The following MAPKAP1 variants were observed in gnomAD, a reference collection of about 807,000 sequenced individuals.
MAPKAP1 encodes the protein target of rapamycin complex 2 subunit MAPKAP1.
In MAPKAP1, 20 loss-of-function variants were observed where a neutral mutation model predicts 65.7. That is an observed-to-expected ratio of 0.30 (90% confidence interval 0.21 to 0.44). MAPKAP1 has a LOEUF of 0.44. Ranked by LOEUF, MAPKAP1 falls within the 20% of genes least tolerant of loss-of-function variation. The pLI is 1.00. For missense variants in MAPKAP1, 423 were observed against 648.0 expected, an observed-to-expected ratio of 0.65 and a Z score of 3.77; for synonymous variants, 222 against 244.3, an observed-to-expected ratio of 0.91 and a Z score of 0.85.
At chr9:125,515,463 T>G (rs10986783) in intron 7 of MAPKAP1, among the ~76,000 whole-genome samples, 1 of 152,154 alleles carries the variant, frequency 6.6e-6, no homozygotes, top group Non-Finnish European at 1.5e-5. Flanking sequence ...AAAGATAAGA[T>G]TGGAAACGAA....
At chr9:125,698,285 ATAAATATATAT>A (rs1393555818) in intron 1 of MAPKAP1, among the ~76,000 whole-genome samples, 1 of 25,808 alleles carries the variant, frequency 3.9e-5, no homozygotes, top group Non-Finnish European at 5.8e-5. Context: ...CATAATATAT[ATAAATATATAT>A]ATATATATAT....
intron 1 of MAPKAP1, among the ~76,000 whole-genome samples, chr9:125,699,669 G>A (rs1452630633): frequency 6.9e-6 from 1 of 145,444 alleles, no homozygotes; most frequent in Non-Finnish European, 1.5e-5. Context: ...GTCTTGCTCT[G>A]TTGCCCAGGC....
At chr9:125,697,169 T>TGTCAGGACATATGAAA (rs1815199555) in intron 1 of MAPKAP1, among the ~76,000 whole-genome samples, 1 of 152,222 alleles carries the variant, frequency 6.6e-6, no homozygotes, top group Admixed American at 6.5e-5. Context: ...ACATCATTTA[T>TGTCAGGACATATGAAA]GTCAGGACAT....
At chr9:125,513,680 T>C (rs937568501) in intron 7 of MAPKAP1, among the ~76,000 whole-genome samples, 1 of 152,200 alleles carries the variant, frequency 6.6e-6, no homozygotes, top group Non-Finnish European at 1.5e-5. Context: ...GCTGCTATTA[T>C]TGCAAATACA....
intron 1 of MAPKAP1, among the ~76,000 whole-genome samples, chr9:125,686,667 C>T (rs1031487385): frequency 6.6e-6 from 1 of 152,176 alleles, no homozygotes; most frequent in Non-Finnish European, 1.5e-5. Context: ...CATGTTTGAC[C>T]TCTACCACAC....
intron 1 of MAPKAP1, among the ~76,000 whole-genome samples, chr9:125,679,310 C>G (rs1235644101): frequency 4.6e-5 from 7 of 152,084 alleles, no homozygotes; most frequent in Non-Finnish European, 7.4e-5. Flanking sequence ...CTGAACACGA[C>G]TTTTTAAAAG....
chr9:125,693,836 T>TACACAC (rs375290028), intron 1 of MAPKAP1, among the ~76,000 whole-genome samples: 4,956 of 119,424 alleles, frequency 0.041, 214 homozygotes, highest in East Asian at 0.053. Flanking sequence ...CACACATATA[T>TACACAC]ATACACACAT....
intron 1 of MAPKAP1, among the ~76,000 whole-genome samples, chr9:125,702,355 A>G (rs1835626534): frequency 6.6e-6 from 1 of 151,740 alleles, no homozygotes; most frequent in Non-Finnish European, 1.5e-5. Flanking sequence ...ACCAACATGC[A>G]GAAACCCCGC....
chr9:125,462,692 A>C (rs1201725772), intron 10 of MAPKAP1, among the ~76,000 whole-genome samples: 1 of 152,222 alleles, frequency 6.6e-6, no homozygotes, highest in East Asian at 1.9e-4. Flanking sequence ...AACATTCTTA[A>C]TACTGGTCTT....
intron 4 of MAPKAP1, among the ~76,000 whole-genome samples, chr9:125,636,424 G>C (rs543253750): frequency 1.3e-5 from 2 of 152,216 alleles, no homozygotes; most frequent in Non-Finnish European, 2.9e-5. Flanking sequence ...AGATACAATA[G>C]AGACAAATTA....
chr9:125,469,417 C>G (rs1400839702), intron 9 of MAPKAP1, among the ~76,000 whole-genome samples: 1 of 152,068 alleles, frequency 6.6e-6, no homozygotes. Context: ...ATTAAAAAAA[C>G]AAATACAAAC....
intron 1 of MAPKAP1, among the ~76,000 whole-genome samples, chr9:125,704,341 A>C (rs1413083268): frequency 6.6e-6 from 1 of 152,208 alleles, no homozygotes; most frequent in East Asian, 1.9e-4. Flanking sequence ...AATGAGATAA[A>C]GCATTTAACA....
At position 125,447,215 on chromosome 9, in the gene MAPKAP1, G is replaced by A; in HGVS notation, c.1346-2617C>T. 1 of 357,234 alleles carries A rather than the reference G, an allele frequency of 2.8e-6. No homozygotes were observed. The allele number at this position is 357,234 out of a possible 1,614,324, so 22.1% of individuals were successfully genotyped here. On this transcript the variant is annotated intron_variant, in intron 10 of 11. Transcript: ENST00000265960. This position sits in a 1 kb window ranked among gnomAD's most constrained non-coding sequence, Gnocchi z 4.5. ...CTGCCTATCCCCAGGGCTCATTCCA[G>A]CACCCATCTGAGGAAGAGTGAAGCA...
At chr9:125,662,896 T>C (rs746305234) in intron 3 of MAPKAP1, among the ~76,000 whole-genome samples, 44 of 152,124 alleles carry the variant, frequency 2.9e-4, no homozygotes, top group African/African-American at 4.3e-4. Context: ...TGAAATCATA[T>C]AGTAGCTGGG....
chr9:125,494,577 G>GA (rs553405051), intron 8 of MAPKAP1, among the ~76,000 whole-genome samples: 258 of 152,304 alleles, frequency 1.7e-3, no homozygotes, highest in African/African-American at 6.0e-3. Context: ...TTTCGAAAAA[G>GA]AGCAGATCAT....
At chr9:125,537,509 T>C (rs1830107655) in intron 7 of MAPKAP1, among the ~76,000 whole-genome samples, 3 of 152,022 alleles carry the variant, frequency 2.0e-5, no homozygotes, top group Admixed American at 1.3e-4. Context: ...CAATACAGAG[T>C]CTTGCTCTGT....
intron 9 of MAPKAP1, among the ~76,000 whole-genome samples, chr9:125,475,157 G>T (rs993672002): frequency 6.6e-6 from 1 of 152,150 alleles, no homozygotes; most frequent in African/African-American, 2.4e-5. Context: ...GACATGACTT[G>T]TCTGATGTCA....
rs557918059 is a variant in MAPKAP1 at position 125,611,086 on chromosome 9, T to C, written c.499-25359A>G. ...TTGAGTAGGAGAATGTCGCTAGGAGTGAATGTCAACTTTTAAAGATTAAAT... is the reference window on the plus strand; with the variant it reads ...TTGAGTAGGAGAATGTCGCTAGGAGCGAATGTCAACTTTTAAAGATTAAAT... On this transcript the variant is annotated intron_variant, in intron 4 of 11. Coordinates refer to ENST00000265960, the MANE Select transcript of MAPKAP1 (RefSeq NM_001006617.3). 4.2e-4 allele frequency among the ~76,000 whole-genome samples: 64 copies of C among 152,216 alleles called. 1 individual carries two copies. The South Asian group carries it at 0.012, about 29-fold the overall frequency.
chr9:125,506,232 G>A (rs1399391870), intron 8 of MAPKAP1, 78 bp downstream of exon 8: 1 of 1,249,670 alleles, frequency 8.0e-7, no homozygotes, highest in Non-Finnish European at 1.2e-6. Flanking sequence ...AACCAGACCA[G>A]TGAGCGTTTC....
Sources: allele counts gnomAD v4.1 joint callset (sites outside exome capture counted in the v4.1 genomes callset), GRCh38; gene constraint gnomAD v4.1.1; non-coding constraint Gnocchi (gnomAD v3.1); transcripts MANE v1.5; gene names NCBI Gene and HGNC (gene_info 2026-07-23, HGNC 2026-07-21).